The following PAX6 variants were observed in gnomAD, a reference collection of about 807,000 sequenced individuals.
PAX6 encodes the protein paired box protein Pax-6.
A neutral mutation model predicts 60.7 loss-of-function variants in PAX6; 7 were observed. The ratio of observed to expected loss-of-function variants is 0.12; its 90% confidence interval spans 0.07 to 0.22. PAX6 has a LOEUF of 0.22. PAX6 is among the 10% of genes least tolerant of loss of function. The probability of loss-of-function intolerance (pLI) is 1.00; values close to 1 mark genes in which losing one functional copy is unlikely to be tolerated. For missense variants in PAX6, 355 were observed against 555.2 expected (o/e 0.64, Z 3.62); for synonymous variants, 208 against 201.2 (o/e 1.03, Z -0.29).
chr11:31,800,881 C>A, intron 7 of PAX6, 25 bp from the exon 8 acceptor site: 2 of 1,611,956 alleles, frequency 1.2e-6, no homozygotes, highest in Non-Finnish European at 1.7e-6. Flanking sequence ...AAAATCAAAC[C>A]AAATGGTAGT....
intron 3 of PAX6, 109 bp downstream of exon 3, chr11:31,806,740 A>G (rs1955900705): frequency 2.7e-6 from 1 of 372,898 alleles, no homozygotes; most frequent in South Asian, 8.5e-5. Flanking sequence ...GCGATGCCCC[A>G]ATTTTGATTT....
upstream of PAX6, chr11:31,812,157 C>T (rs1006145459): frequency 2.0e-5 from 3 of 152,542 alleles, no homozygotes; most frequent in South Asian, 2.1e-4. Context: ...ACCAACTTCT[C>T]CCACGTGCCA....
In PAX6 at chr11:31,793,511, G is replaced by A; in HGVS notation, c.1001C>T (p.Thr334Ile). 1.2e-6 allele frequency: 2 copies of A among 1,614,246 alleles called. No homozygotes were observed. The highest frequency in any genetic ancestry group is 8.5e-7 in the Non-Finnish European group (1 of 1,180,046). ...AGCGCTGTAGGTGTTTGTGAGGGCT[G>A]TGTCTGTTCGGCCCAACATGGAGCC... is the stretch of plus-strand genomic sequence containing the variant. ...TSGSMLGRTD[T>I]ALTNTYSALP... The change falls in exon 12 of 14, where the codon ACA becomes ATA. Residue 334 changes from threonine (T) to isoleucine (I), a missense_variant. Thr to Ile is a moderately conservative substitution (Grantham distance 89). Transcript: ENST00000640368.
At chr11:31,792,037 A>G (rs1950124642) in intron 12 of PAX6, 1 of 152,198 alleles carries the variant, frequency 6.6e-6, no homozygotes, top group Admixed American at 6.5e-5. Flanking sequence ...TCGTCTTATT[A>G]TTTTCTCACA....
At chr11:31,802,252 A>G (rs1954233174) in intron 5 of PAX6, 1 of 356,718 alleles carries the variant, frequency 2.8e-6, no homozygotes, top group Admixed American at 4.6e-5. Context: ...AGGAGTAAAT[A>G]GCATTTGCCT....
chr11:31,800,876 C>A lies in PAX6; in HGVS notation c.400-20G>T. 6.2e-7 allele frequency: 1 copy of A among 1,612,934 alleles called. No individual in the cohort carries two copies. The highest frequency in any genetic ancestry group is 1.3e-5 in the African/African-American group (1 of 74,996). ...TGACACCTGCAAATCAAACCAAAAT[C>A]AAACCAAATGGTAGTGTCTCCTGAA... On this transcript the variant is annotated intron_variant, in intron 7 of 13. Transcript: ENST00000640368.
At chr11:31,796,715 A>G (rs1470255722) in intron 8 of PAX6, among the ~76,000 whole-genome samples, 1 of 152,082 alleles carries the variant, frequency 6.6e-6, no homozygotes, top group African/African-American at 2.4e-5. Flanking sequence ...GAGGCTAGAA[A>G]GGTATTTTTA....
intron 8 of PAX6, among the ~76,000 whole-genome samples, chr11:31,800,145 C>T (rs1953150820): frequency 1.3e-5 from 2 of 151,998 alleles, no homozygotes; most frequent in African/African-American, 4.8e-5. Flanking sequence ...GAGGGGCGAA[C>T]GGGGGAGGGG....
chr11:31,801,068 G>A (rs1050913539), intron 7 of PAX6: 38 of 739,538 alleles, frequency 5.1e-5, no homozygotes, highest in African/African-American at 3.8e-4. Flanking sequence ...AGAATTGGGC[G>A]GAGGGGGTCC....
In PAX6 at chr11:31,789,547, GGCAAAGCTT is replaced by G; in HGVS notation, c.*378_*386del. On this transcript the variant is annotated 3_prime_UTR_variant, in exon 14 of 14. Coordinates refer to ENST00000640368, the MANE Select transcript of PAX6 (RefSeq NM_001368894.2). ...ATCTTGATAAAACTCTTAAATTCGT[GGCAAAGCTT>G]GTTGATCATGGTTTTCTTTTTAAAA... 5.0e-6 allele frequency: 3 copies of G among 600,074 alleles called. No individual in the cohort carries two copies. The highest frequency in any genetic ancestry group is 8.8e-6 in the Non-Finnish European group (3 of 342,144). 37.2% of individuals were successfully genotyped at this position (600,074 alleles called of 1,614,324 possible).
chr11:31,792,664 ATC>A (rs1950291382), intron 12 of PAX6: 1 of 156,440 alleles, frequency 6.4e-6, no homozygotes, highest in African/African-American at 2.4e-5. Flanking sequence ...AGTACAAACC[ATC>A]TGCCTTATCC....
chr11:31,806,050 C>CGCCATGATCAGCCCA (rs1303990650), intron 4 of PAX6: 42 of 337,062 alleles, frequency 1.2e-4, no homozygotes, highest in Non-Finnish European at 1.9e-4. Context: ...GACTTCGCCC[C>CGCCATGATCAGCCCA]GCCCTGATCA....
intron 6 of PAX6, 42 bp from the exon 7 acceptor site, chr11:31,801,818 T>C (rs1954010995): frequency 6.2e-7 from 1 of 1,614,114 alleles, no homozygotes; most frequent in Non-Finnish European, 8.5e-7. Flanking sequence ...TATTAATAAT[T>C]TCAAGACAAA....
intron 4 of PAX6, chr11:31,805,124 G>A (rs1418319265): frequency 6.6e-6 from 1 of 152,314 alleles, no homozygotes; most frequent in Non-Finnish European, 1.5e-5. Flanking sequence ...CCGGGAACGA[G>A]CGGCACAAAG....
chr11:31,791,284 A>T (rs1270084632), intron 12 of PAX6: 1 of 323,782 alleles, frequency 3.1e-6, no homozygotes, highest in East Asian at 7.4e-5. Flanking sequence ...GCTTTGGGAC[A>T]GAGAGCAGTG....
At chr11:31,808,987 T>C (rs1214335667) in intron 2 of PAX6, among the ~76,000 whole-genome samples, 1 of 152,192 alleles carries the variant, frequency 6.6e-6, no homozygotes, top group Non-Finnish European at 1.5e-5. Context: ...GCCCCAGCCT[T>C]GGACCACAAG....
At chr11:31,814,170 C>G (rs1438004276), upstream of PAX6, 1 of 152,206 alleles carries the variant, frequency 6.6e-6, no homozygotes, top group Admixed American at 6.5e-5. Flanking sequence ...GAGGACCTCT[C>G]AGGCCGGCGG....
chr11:31,813,538 G>A (rs1957233100), upstream of PAX6, among the ~76,000 whole-genome samples: 1 of 152,066 alleles, frequency 6.6e-6, no homozygotes, highest in Non-Finnish European at 1.5e-5. Flanking sequence ...CCAGGGCACT[G>A]GCTCTTTGAA....
At chr11:31,798,679 T>A (rs931926652) in intron 8 of PAX6, among the ~76,000 whole-genome samples, 1 of 152,144 alleles carries the variant, frequency 6.6e-6, no homozygotes, top group East Asian at 1.9e-4. Flanking sequence ...GGGGTGGTGA[T>A]TGCCAGTTGA....
Sources: allele counts gnomAD v4.1 joint callset (sites outside exome capture counted in the v4.1 genomes callset), GRCh38; gene constraint gnomAD v4.1.1; transcripts MANE v1.5; gene names NCBI Gene and HGNC (gene_info 2026-07-23, HGNC 2026-07-21).